ERCC1: variants seen among roughly 807,000 people sequenced by gnomAD.
ERCC1 encodes the protein DNA excision repair protein ERCC-1.
In ERCC1, 36 loss-of-function variants were observed where a neutral mutation model predicts 37.6. That is an observed-to-expected ratio of 0.96 (90% CI 0.73 to 1.26). The LOEUF (loss-of-function observed/expected upper bound fraction) is 1.26. Among genes scored for constraint, ERCC1 ranks in the 50% most tolerant of loss-of-function variants. The pLI, the probability that ERCC1 is intolerant of heterozygous loss-of-function variation, is 0.00. For synonymous variants in ERCC1, 156 were observed against 162.1 expected, an observed-to-expected ratio of 0.96 and a Z score of 0.28; for missense variants, 349 against 376.5, an observed-to-expected ratio of 0.93 and a Z score of 0.60.
intron 9 of ERCC1, 161 bp from the exon 10 acceptor site, chr19:45,409,886 A>ATT: frequency 4.0e-6 from 1 of 249,712 alleles, no homozygotes; most frequent in Non-Finnish European, 6.5e-6. Flanking sequence ...AGTTATTATT[A>ATT]TTATTATTAT....
In ERCC1 at chr19:45,409,093, G is replaced by C; in HGVS notation, c.*582C>G. 1 of 1,613,596 alleles carries C rather than the reference G, an allele frequency of 6.2e-7. No individual in the cohort carries two copies. Among genetic ancestry groups the C allele is most frequent in the Non-Finnish European group, 8.5e-7 (1 of 1,179,658 alleles). ...AACAGCCAGAAGGAGCGAAGCCTCA[G>C]GCCCAGGCAGCTCTGGCAGCTCCCA... On this transcript the variant is annotated 3_prime_UTR_variant, in exon 10 of 10. Transcript: ENST00000300853.
intron 1 of ERCC1, among the ~76,000 whole-genome samples, chr19:45,436,468 T>G (rs1185319416): frequency 1.3e-5 from 2 of 151,712 alleles, no homozygotes; most frequent in Non-Finnish European, 2.9e-5. Context: ...CTACTAAAAA[T>G]ACAAAAAATT....
Position 45,407,675 on chromosome 19 carries a change from T to C in ERCC1, c.*2000A>G. 4.0e-6 allele frequency: 1 copy of C among 252,422 alleles called. No homozygotes were observed. The highest frequency in any genetic ancestry group is 7.6e-6 in the Non-Finnish European group (1 of 131,960). The allele number at this position is 252,422 out of a possible 1,614,324, so 15.6% of individuals were successfully genotyped here. A position where few individuals can be genotyped will look rare whatever the true frequency, so the allele number is the denominator to read the frequency against. On this transcript the variant is annotated 3_prime_UTR_variant, in exon 10 of 10. Coordinates refer to ENST00000300853, the MANE Select transcript of ERCC1 (RefSeq NM_001983.4). ...ATTATAATTGGTGGTCAGCCTGGGA[T>C]GTGGTTATTTTCAGGCCATAAGCAT...
At chr19:45,412,350 G>A (rs1446447465) in intron 9 of ERCC1, among the ~76,000 whole-genome samples, 1 of 151,840 alleles carries the variant, frequency 6.6e-6, no homozygotes, top group Non-Finnish European at 1.5e-5. Context: ...GTAGAGATGG[G>A]GTTTCGCCAT....
chr19:45,421,192 CAAT>C lies in ERCC1; in HGVS notation c.304_306del (p.Ile102del). On this transcript the variant is annotated inframe_deletion, in exon 3 of 10. Transcript: ENST00000300853. Reference sequence around the variant, plus strand: ...TCCCTCCTCACCTGCCGAGGGCTCACAATGATGCTGTTGGATTTTGCCCCGGGT... The same window carrying C: ...TCCCTCCTCACCTGCCGAGGGCTCACGATGCTGTTGGATTTTGCCCCGGGT... The C allele has an allele frequency of 6.2e-7, 1 of 1,614,154 alleles. No homozygotes were observed. Among genetic ancestry groups the C allele is most frequent in the Non-Finnish European group, 8.5e-7 (1 of 1,180,010 alleles).
chr19:45,408,638 C>T lies in ERCC1; in HGVS notation c.*1037G>A, dbSNP rs1361148840. On this transcript the variant is annotated 3_prime_UTR_variant, in exon 10 of 10. Coordinates refer to ENST00000300853, the MANE Select transcript of ERCC1 (RefSeq NM_001983.4). The stretch of plus-strand genomic sequence containing the variant: ...GAAAAAAAATCAGCAGCTGAAAGAA[C>T]CAGAGGCAGCAGGGCCTGTGGGGAC... 2 of 1,613,502 alleles carry T rather than the reference C, an allele frequency of 1.2e-6. No individual in the cohort carries two copies. Among genetic ancestry groups the T allele is most frequent in the Admixed American group, 1.7e-5 (1 of 59,980 alleles).
At position 45,446,150 on chromosome 19, in the gene ERCC1, T is replaced by G. The variant is rs1966935414; in HGVS notation, c.-7-22769A>C. Among the ~76,000 whole-genome samples, 2 of 152,158 alleles carry G rather than the reference T, an allele frequency of 1.3e-5. 1 individual carries two copies. Among genetic ancestry groups the G allele is most frequent in the South Asian group, 4.1e-4 (2 of 4,834 alleles). On this transcript the variant is annotated intron_variant, in intron 1 of 8. Coordinates refer to the ERCC1 transcript ENST00000423698. ...CCTGACCTCAGGTGATTTGCCCACC[T>G]CAGCCTCCCAAAGTGTTGGGATTAC...
At chr19:45,425,082 ATTTTT>A (rs35314737), upstream of ERCC1, among the ~76,000 whole-genome samples, 324 of 116,946 alleles carry the variant, frequency 2.8e-3, 1 homozygote, top group African/African-American at 8.6e-3. Flanking sequence ...TGCCCGGCTA[ATTTTT>A]TTTTTTTTTT....
chr19:45,425,907 T>A (rs1299976255), upstream of ERCC1, among the ~76,000 whole-genome samples: 1 of 152,204 alleles, frequency 6.6e-6, no homozygotes, highest in Non-Finnish European at 1.5e-5. Context: ...CATCAGTCTT[T>A]CATCTATGGG....
intron 1 of ERCC1, among the ~76,000 whole-genome samples, chr19:45,434,762 T>A (rs9749017): frequency 0.11 from 17,191 of 151,536 alleles, 1,259 homozygotes; most frequent in Admixed American, 0.2. Flanking sequence ...TTTTTAAAAA[T>A]TTTTTTATTT....
Position 45,409,572 on chromosome 19 carries a change from C to A in ERCC1, c.*103G>T, listed in dbSNP as rs945700906. 81 of 1,573,574 alleles carry A rather than the reference C, an allele frequency of 5.1e-5. No homozygotes were observed. Among genetic ancestry groups the A allele is most frequent in the Non-Finnish European group, 5.8e-5 (67 of 1,159,664 alleles). ...ACCTGGGCCACCAGAAGGTGACACC[C>A]CCAGAATCCCTCCCCAGAGACTGCA... On this transcript the variant is annotated 3_prime_UTR_variant, in exon 10 of 10. Transcript: ENST00000300853.
chr19:45,417,942 T>G (rs1387961757), intron 5 of ERCC1, among the ~76,000 whole-genome samples: 1 of 151,976 alleles, frequency 6.6e-6, no homozygotes, highest in African/African-American at 2.4e-5. Context: ...TCCTCCTGCC[T>G]CAGCCTCTCA....
At chr19:45,428,213 A>G (rs1171567015), upstream of ERCC1, among the ~76,000 whole-genome samples, 1 of 136,904 alleles carries the variant, frequency 7.3e-6, no homozygotes, top group East Asian at 2.3e-4. Flanking sequence ...CTTACCGAGT[A>G]GCTGGACCAC....
At chr19:45,425,503 C>T (rs1974665779), upstream of ERCC1, among the ~76,000 whole-genome samples, 1 of 151,816 alleles carries the variant, frequency 6.6e-6, no homozygotes. Context: ...GTTCTCCTGC[C>T]TCAGCCTCCC....
chr19:45,442,389 C>T (rs984949770), intron 1 of ERCC1, among the ~76,000 whole-genome samples: 13 of 152,036 alleles, frequency 8.6e-5, no homozygotes, highest in Admixed American at 7.9e-4. Flanking sequence ...GTAAATTTCC[C>T]TCCCACTCTG....
chr19:45,448,163 C>T (rs143922130), intron 1 of ERCC1, among the ~76,000 whole-genome samples: 8 of 152,308 alleles, frequency 5.3e-5, no homozygotes, highest in African/African-American at 9.6e-5. Flanking sequence ...TAAGCCATCG[C>T]GCCCGGTCGT....
At chr19:45,440,754 C>T (rs1975099862) in intron 1 of ERCC1, among the ~76,000 whole-genome samples, 1 of 152,168 alleles carries the variant, frequency 6.6e-6, no homozygotes, top group South Asian at 2.1e-4. Context: ...CTCTGTCGCC[C>T]AGGCTGGAGT....
At chr19:45,423,586 A>G in intron 1 of ERCC1, 195 bp downstream of exon 1, 2 of 1,410,354 alleles carry the variant, frequency 1.4e-6, no homozygotes, top group Non-Finnish European at 1.8e-6. Context: ...CAGGTCCACA[A>G]GTCCCATCGC....
At chr19:45,413,269 T>C (rs1418011456) in intron 9 of ERCC1, among the ~76,000 whole-genome samples, 10 of 152,156 alleles carry the variant, frequency 6.6e-5, no homozygotes, top group Admixed American at 6.6e-4. Context: ...TTCTTCCTCA[T>C]TGGATTGCTT....
Sources: allele counts gnomAD v4.1 joint callset (sites outside exome capture counted in the v4.1 genomes callset), GRCh38; gene constraint gnomAD v4.1.1; transcripts MANE v1.5; gene names NCBI Gene and HGNC (gene_info 2026-07-23, HGNC 2026-07-21).